KHDRBS3: variants seen among roughly 807,000 people sequenced by gnomAD.
KHDRBS3 encodes the protein KH domain-containing, RNA-binding, signal transduction-associated protein 3.
Under a neutral mutation model 45.6 loss-of-function variants are expected in KHDRBS3, and 23 were observed. That is an observed-to-expected ratio of 0.50 (90% CI 0.36 to 0.72). KHDRBS3 has a LOEUF of 0.72. KHDRBS3 is among the 30% of genes least tolerant of loss of function. The pLI is 0.00. For missense variants in KHDRBS3, 352 were observed against 424.8 expected, an observed-to-expected ratio of 0.83 and a Z score of 1.51; for synonymous variants, 162 against 156.5, an observed-to-expected ratio of 1.04 and a Z score of -0.26.
chr8:135,572,241 G>A (rs1481341294), intron 5 of KHDRBS3, among the ~76,000 whole-genome samples: 2 of 152,144 alleles, frequency 1.3e-5, no homozygotes, highest in Non-Finnish European at 2.9e-5. Context: ...GGTGATACAG[G>A]CTTCAAAATA....
intron 2 of KHDRBS3, among the ~76,000 whole-genome samples, chr8:135,530,734 C>T (rs2130708756): frequency 6.6e-6 from 1 of 152,262 alleles, no homozygotes; most frequent in South Asian, 2.1e-4. Flanking sequence ...TGACAGACAA[C>T]AGTGTATTTG....
intron 1 of KHDRBS3, among the ~76,000 whole-genome samples, chr8:135,509,032 T>G (rs1824144537): frequency 6.6e-6 from 1 of 152,204 alleles, no homozygotes; most frequent in African/African-American, 2.4e-5. Context: ...TGAACCTCAA[T>G]CTCAGTCATT....
chr8:135,533,562 C>T (rs555080160), intron 2 of KHDRBS3, among the ~76,000 whole-genome samples: 1 of 152,230 alleles, frequency 6.6e-6, no homozygotes, highest in East Asian at 1.9e-4. Flanking sequence ...CTTACATTGC[C>T]TAACTTAAGA....
chr8:135,523,528 A>G (rs1825023811), intron 2 of KHDRBS3, among the ~76,000 whole-genome samples: 1 of 152,146 alleles, frequency 6.6e-6, no homozygotes, highest in Admixed American at 6.5e-5. Context: ...AGGATTTGTC[A>G]TGCACATCAT....
chr8:135,649,042 C>T (rs149822490), downstream of KHDRBS3, among the ~76,000 whole-genome samples: 63 of 152,176 alleles, frequency 4.1e-4, no homozygotes, highest in East Asian at 0.011. Context: ...CTTATGGAAA[C>T]ATGGTTTTCT....
rs1468204601 is a variant in KHDRBS3 at position 135,483,471 on chromosome 8, A to G, written c.88+25517A>G. Among the ~76,000 whole-genome samples, 4 of 152,182 alleles carry G rather than the reference A, an allele frequency of 2.6e-5. No individual in the cohort carries two copies. The East Asian group carries it at 5.8e-4, about 22-fold the overall frequency. ...GATGTTGTCATGGTGGCTATGGGAG[A>G]AAATGGAGGGAATTTTCTGCCCTTC... On this transcript the variant is annotated intron_variant, in intron 1 of 8. Transcript: ENST00000355849.
intron 2 of KHDRBS3, among the ~76,000 whole-genome samples, chr8:135,528,419 G>C (rs984238731): frequency 6.6e-6 from 1 of 152,158 alleles, no homozygotes; most frequent in African/African-American, 2.4e-5. Context: ...GATTTCCTAG[G>C]ATAGGGAATA....
intron 3 of KHDRBS3, among the ~76,000 whole-genome samples, chr8:135,543,784 T>C (rs890467926): frequency 7.9e-5 from 12 of 152,216 alleles, no homozygotes; most frequent in Non-Finnish European, 1.5e-4. Context: ...TTAACACAGT[T>C]AATAAAACCA....
intron 7 of KHDRBS3, among the ~76,000 whole-genome samples, chr8:135,612,756 A>T (rs1471360119): frequency 1.3e-5 from 2 of 151,760 alleles, no homozygotes; most frequent in Non-Finnish European, 2.9e-5. Flanking sequence ...CACAGAGCAG[A>T]GGTAAAAGCT....
chr8:135,648,767 A>G (rs1381863360), downstream of KHDRBS3, among the ~76,000 whole-genome samples: 2 of 152,156 alleles, frequency 1.3e-5, no homozygotes, highest in African/African-American at 4.8e-5. Context: ...CTGAATGTAA[A>G]CAGGTCAGAC....
intron 7 of KHDRBS3, among the ~76,000 whole-genome samples, chr8:135,639,001 T>A (rs1190770732): frequency 3.4e-5 from 5 of 146,870 alleles, no homozygotes; most frequent in Middle Eastern, 3.5e-3. Context: ...GCTAGTGAGA[T>A]AGGAAGGAAA....
intron 2 of KHDRBS3, among the ~76,000 whole-genome samples, chr8:135,532,007 G>T (rs976027149): frequency 9.2e-5 from 14 of 152,114 alleles, no homozygotes; most frequent in Admixed American, 2.6e-4. Flanking sequence ...ATTTTCAGGG[G>T]TGATTATCAG....
chr8:135,531,965 A>G (rs1179613563), intron 2 of KHDRBS3, among the ~76,000 whole-genome samples: 2 of 152,224 alleles, frequency 1.3e-5, no homozygotes, highest in African/African-American at 4.8e-5. Context: ...TATTCTTAGG[A>G]CATTAAAATG....
intron 1 of KHDRBS3, among the ~76,000 whole-genome samples, chr8:135,472,682 G>A (rs1178861166): frequency 6.6e-6 from 1 of 152,242 alleles, no homozygotes; most frequent in African/African-American, 2.4e-5. Flanking sequence ...ATGTCATGCA[G>A]GAGAATGGCG....
At chr8:135,581,186 G>A (rs1563783501) in intron 5 of KHDRBS3, among the ~76,000 whole-genome samples, 1 of 152,112 alleles carries the variant, frequency 6.6e-6, no homozygotes, top group Non-Finnish European at 1.5e-5. Context: ...TATTCTCTGG[G>A]GTAGCCACAC....
At chr8:135,461,339 G>A (rs981428558) in intron 1 of KHDRBS3, among the ~76,000 whole-genome samples, 21 of 152,096 alleles carry the variant, frequency 1.4e-4, no homozygotes, top group Non-Finnish European at 2.4e-4. Context: ...TCCTGACCTC[G>A]TGATCTGCCT....
chr8:135,536,508 C>G (rs979509862), intron 2 of KHDRBS3, among the ~76,000 whole-genome samples: 1 of 152,000 alleles, frequency 6.6e-6, no homozygotes, highest in African/African-American at 2.4e-5. Context: ...GTATTTTAAG[C>G]AGAGGTGTAA....
chr8:135,619,326 G>A (rs1001869303), intron 7 of KHDRBS3, among the ~76,000 whole-genome samples: 1 of 151,814 alleles, frequency 6.6e-6, no homozygotes, highest in Non-Finnish European at 1.5e-5. Context: ...AAAAGTATTG[G>A]ATATAGTCTT....
chr8:135,461,800 C>T (rs541701411), intron 1 of KHDRBS3, among the ~76,000 whole-genome samples: 177 of 152,224 alleles, frequency 1.2e-3, no homozygotes, highest in Admixed American at 2.0e-3. Context: ...ATTTAGTTGT[C>T]GTTGATTACA....
Sources: allele counts gnomAD v4.1 joint callset (sites outside exome capture counted in the v4.1 genomes callset), GRCh38; gene constraint gnomAD v4.1.1; transcripts MANE v1.5; gene names NCBI Gene and HGNC (gene_info 2026-07-23, HGNC 2026-07-21).